NAV3: variants seen among roughly 807,000 people sequenced by gnomAD.
The protein encoded by NAV3 is pore membrane and/or filament interacting like protein 1.
NAV3 carries 87 observed loss-of-function variants against 244.7 expected under a neutral mutation model. The ratio of observed to expected loss-of-function variants is 0.36; its 90% confidence interval spans 0.30 to 0.42. The LOEUF is 0.42. Ranked by LOEUF, NAV3 falls within the 20% of genes least tolerant of loss-of-function variation. NAV3 has a pLI of 1.00. For synonymous variants in NAV3, 1,126 were observed against 1,042.2 expected (o/e 1.08, Z -1.55); for missense variants, 2,663 against 2,893.3 (o/e 0.92, Z 1.83).
chr12:78,065,879 C>A lies in NAV3; in HGVS notation c.2636+6764C>A, dbSNP rs546302868. The stretch of plus-strand genomic sequence containing the variant: ...TTTGATCTGGTACAGAGAGTGAATT[C>A]CTAGACAAAATAAGGTGATAAGTCT... On this transcript the variant is annotated intron_variant, in intron 12 of 39. Coordinates refer to ENST00000397909, the MANE Select transcript of NAV3 (RefSeq NM_001024383.2). Among the ~76,000 whole-genome samples, 169 of 152,100 alleles carry A rather than the reference C, an allele frequency of 1.1e-3. 1 individual carries two copies. The highest frequency in any genetic ancestry group is 3.9e-3 in the African/African-American group (163 of 41,510).
At chr12:78,103,199 T>G (rs1009112028) in intron 12 of NAV3, among the ~76,000 whole-genome samples, 3 of 152,216 alleles carry the variant, frequency 2.0e-5, no homozygotes, top group Non-Finnish European at 4.4e-5. Flanking sequence ...CTTAGAAATT[T>G]CTTCTGTCAG....
chr12:78,095,626 T>C (rs1388899895), intron 12 of NAV3, among the ~76,000 whole-genome samples: 1 of 152,138 alleles, frequency 6.6e-6, no homozygotes, highest in African/African-American at 2.4e-5. Flanking sequence ...ACAGCAATAC[T>C]CTACTGGGAA....
At chr12:77,728,354 G>T (rs1195118327) in intron 2 of NAV3, among the ~76,000 whole-genome samples, 1 of 151,996 alleles carries the variant, frequency 6.6e-6, no homozygotes, top group Non-Finnish European at 1.5e-5. Flanking sequence ...TTGTGTTTAA[G>T]AAAGGTCACA....
intron 2 of NAV3, among the ~76,000 whole-genome samples, chr12:77,592,627 C>T (rs17043940): frequency 6.6e-5 from 10 of 152,132 alleles, no homozygotes; most frequent in Non-Finnish European, 1.2e-4. Flanking sequence ...TGCAGCTTAG[C>T]AGTTGTTACT....
intron 18 of NAV3, among the ~76,000 whole-genome samples, chr12:78,135,357 G>A (rs904987701): frequency 3.9e-5 from 6 of 152,258 alleles, no homozygotes; most frequent in African/African-American, 1.4e-4. Flanking sequence ...AATTTCCAAT[G>A]CAGAAGCTAT....
chr12:78,205,539 C>T (rs139039637), intron 39 of NAV3, among the ~76,000 whole-genome samples: 1 of 151,934 alleles, frequency 6.6e-6, no homozygotes, highest in African/African-American at 2.4e-5. Flanking sequence ...AATATTTTGC[C>T]TATATCAACT....
chr12:78,145,055 T>C, intron 20 of NAV3: 1 of 310,040 alleles, frequency 3.2e-6, no homozygotes, highest in South Asian at 2.7e-5. Flanking sequence ...GCAATGAAAC[T>C]TTTATCTTAA....
chr12:77,804,439 A>G (rs1223710368), intron 2 of NAV3, among the ~76,000 whole-genome samples: 2 of 152,140 alleles, frequency 1.3e-5, no homozygotes, highest in African/African-American at 2.4e-5. Flanking sequence ...TCATTTCCCC[A>G]TTGCTTGTTT....
intron 1 of NAV3, among the ~76,000 whole-genome samples, chr12:77,929,773 C>G (rs1006730189): frequency 7.4e-5 from 11 of 149,200 alleles, no homozygotes; most frequent in Non-Finnish European, 1.3e-4. Flanking sequence ...GCTGAGATTA[C>G]AGGCACCCGC....
chr12:77,773,689 A>G (rs74106539), intron 2 of NAV3, among the ~76,000 whole-genome samples: 1,879 of 152,280 alleles, frequency 0.012, 47 homozygotes, highest in African/African-American at 0.042. Context: ...GGGGATTACA[A>G]TTTTAATAAT....
In NAV3 at chr12:77,835,438, A is replaced by G. The variant is rs113310612; in HGVS notation, c.243+3734A>G. On this transcript the variant is annotated intron_variant, in intron 1 of 39. Coordinates refer to ENST00000397909, the MANE Select transcript of NAV3 (RefSeq NM_001024383.2). The stretch of plus-strand genomic sequence containing the variant: ...TTTTATGATCTGGTTTGAGAGAACA[A>G]ATTTACATATGACAGTGTCAGAAAT... Among the ~76,000 whole-genome samples, 616 of 152,294 alleles carry G rather than the reference A, an allele frequency of 4.0e-3. 1 individual carries two copies. The highest frequency in any genetic ancestry group is 6.6e-3 in the South Asian group (32 of 4,826).
chr12:78,089,428 G>C (rs1953808479), intron 12 of NAV3, among the ~76,000 whole-genome samples: 1 of 151,998 alleles, frequency 6.6e-6, no homozygotes, highest in African/African-American at 2.4e-5. Flanking sequence ...CAGGCATACT[G>C]GTATTTCTGA....
intron 2 of NAV3, among the ~76,000 whole-genome samples, chr12:77,596,355 TA>T (rs2136746280): frequency 6.6e-6 from 1 of 152,324 alleles, no homozygotes; most frequent in South Asian, 2.1e-4. Context: ...AATCAAAGTG[TA>T]GCCTTTTATC....
chr12:78,181,446 C>T (rs1233774590), intron 30 of NAV3, among the ~76,000 whole-genome samples: 1 of 151,970 alleles, frequency 6.6e-6, no homozygotes, highest in Non-Finnish European at 1.5e-5. Context: ...CTTGATGAAC[C>T]TGTGTGATGC....
chr12:77,904,432 G>A (rs1885715342), intron 1 of NAV3, among the ~76,000 whole-genome samples: 1 of 152,080 alleles, frequency 6.6e-6, no homozygotes, highest in Admixed American at 6.5e-5. Flanking sequence ...CTCATAGTTG[G>A]GAATTGAACA....
intron 2 of NAV3, among the ~76,000 whole-genome samples, chr12:77,656,947 A>G (rs372817098): frequency 9.2e-5 from 14 of 152,238 alleles, no homozygotes; most frequent in South Asian, 4.1e-4. Context: ...TCTCTGGGAC[A>G]CATTCAAAGC....
chr12:77,693,396 G>C (rs1313766496), intron 2 of NAV3, among the ~76,000 whole-genome samples: 7 of 151,726 alleles, frequency 4.6e-5, no homozygotes, highest in South Asian at 4.2e-4. Flanking sequence ...ATTCTGCACT[G>C]TATAATCCAG....
At chr12:77,765,524 G>T (rs1312031396) in intron 2 of NAV3, among the ~76,000 whole-genome samples, 1 of 152,188 alleles carries the variant, frequency 6.6e-6, no homozygotes, top group Non-Finnish European at 1.5e-5. Flanking sequence ...GAGCCACTCA[G>T]TTAAGGTGAT....
At chr12:77,853,495 G>T (rs1282321249) in intron 1 of NAV3, among the ~76,000 whole-genome samples, 1 of 152,062 alleles carries the variant, frequency 6.6e-6, no homozygotes, top group Non-Finnish European at 1.5e-5. Context: ...GTAATCCAAT[G>T]TATCAATTTT....
Sources: gnomAD v4.1 joint callset for allele counts (sites outside exome capture counted in the v4.1 genomes callset) on GRCh38, gnomAD v4.1.1 for gene constraint, MANE v1.5 for transcripts, NCBI Gene and HGNC (gene_info 2026-07-23, HGNC 2026-07-21) for gene names.